Variants in KCNQ1 observed in about 807,000 individuals in gnomAD.
KCNQ1 encodes potassium voltage-gated channel subfamily Q member 1.
KCNQ1 carries 49 observed loss-of-function variants against 72.4 expected under a neutral mutation model. The ratio of observed to expected loss-of-function variants is 0.68; its 90% CI spans 0.54 to 0.86. KCNQ1 has a LOEUF of 0.86. KCNQ1 is among the 40% of genes least tolerant of loss of function. The pLI, the probability that KCNQ1 is intolerant of heterozygous loss-of-function variation, is 0.00. For missense variants in KCNQ1, 790 were observed against 945.1 expected, an observed-to-expected ratio of 0.84 and a Z score of 2.15; for synonymous variants, 450 against 412.6, an observed-to-expected ratio of 1.09 and a Z score of -1.10.
intron 1 of KCNQ1, among the ~76,000 whole-genome samples, chr11:2,487,409 A>G (rs1237219859): frequency 1.3e-5 from 2 of 152,214 alleles, no homozygotes; most frequent in Non-Finnish European, 2.9e-5. Flanking sequence ...ATTTTTGCAA[A>G]AAGTGTCATT....
Position 2,588,767 on chromosome 11 carries a change from A to G in KCNQ1, c.1306A>G (p.Lys436Glu). ...DKDNGVTPGE[K>E]MLTVPHITCD... ...AGACAATGGGGTGACTCCTGGAGAG[A>G]AGATGCTCACAGTCCCCCATATCAC... The change falls in exon 10 of 16, where the codon AAG becomes GAG. Residue 436 changes from lysine to glutamate, a missense_variant. Lys to Glu is a moderately conservative substitution (Grantham distance 56, BLOSUM62 1). This residue lies in a region of KCNQ1 where 178 missense variants were observed against 177.9 expected (regional missense o/e 1.00). Transcript: ENST00000155840. This position sits in a 1 kb window ranked among gnomAD's most constrained non-coding sequence, Gnocchi z 5.6. 1 of 1,613,666 alleles carries G rather than the reference A, an allele frequency of 6.2e-7. No individual in the cohort carries two copies.
Position 2,491,288 on chromosome 11 carries a change from G to A in KCNQ1, c.387-36640G>A, listed in dbSNP as rs1418198719. Among the ~76,000 whole-genome samples, 1 of 152,208 alleles carries A rather than the reference G, an allele frequency of 6.6e-6. No individual in the cohort carries two copies. The highest frequency in any genetic ancestry group is 1.5e-5 in the Non-Finnish European group (1 of 68,038). ...GACCAATCCTGAAGAAAAGAGATAT[G>A]TGACCTTTCAGAGAGAGAATTTAAA... is the stretch of plus-strand genomic sequence containing the variant. On this transcript the variant is annotated intron_variant, in intron 1 of 15. Transcript: ENST00000155840. This position sits in a 1 kb window ranked among gnomAD's most constrained non-coding sequence, Gnocchi z 4.1.
At chr11:2,571,513 TGGTGCCC>T in intron 4 of KCNQ1, 110 bp downstream of exon 4, 1 of 854,636 alleles carries the variant, frequency 1.2e-6, no homozygotes, top group African/African-American at 1.7e-5. Flanking sequence ...CAAGGTGCCT[TGGTGCCC>T]ACTGCCCCCG....
At position 2,848,723 on chromosome 11, in the gene KCNQ1, G is replaced by A. The variant is rs1242163309; in HGVS notation, c.*720G>A. Reference sequence around the variant, plus strand: ...AGGAGCCCTGCCTCTCCGCCCCTGAGCCCACTGTGCGTGGGGCTCCCGCCT... The same window carrying A: ...AGGAGCCCTGCCTCTCCGCCCCTGAACCCACTGTGCGTGGGGCTCCCGCCT... On this transcript the variant is annotated 3_prime_UTR_variant, in exon 16 of 16. Coordinates refer to ENST00000155840, the MANE Select transcript of KCNQ1 (RefSeq NM_000218.3). 1.3e-5 allele frequency: 6 copies of A among 452,672 alleles called. No individual in the cohort carries two copies. Among genetic ancestry groups the A allele is most frequent in the South Asian group, 4.7e-5 (3 of 64,460 alleles). The allele number at this position is 452,672 out of a possible 1,614,324, so 28.0% of individuals were successfully genotyped here.
At chr11:2,843,624 T>C (rs1209857479) in intron 15 of KCNQ1, among the ~76,000 whole-genome samples, 1 of 152,282 alleles carries the variant, frequency 6.6e-6, no homozygotes, top group African/African-American at 2.4e-5. Context: ...CCAGGGCCTT[T>C]GGCGGTCCTA....
rs3819514 is a variant in KCNQ1, at chr11:2,507,852, G to A, written c.387-20076G>A. ...GGCTGAGGGCAAGGAAGGCAAGTCC[G>A]GGAGGTTGGGTGTCCTGCAGCCTCC... On this transcript the variant is annotated intron_variant, in intron 1 of 15. Coordinates refer to ENST00000155840, the MANE Select transcript of KCNQ1 (RefSeq NM_000218.3). This position sits in a 1 kb window ranked among gnomAD's most constrained non-coding sequence, Gnocchi z 5.4. 7.2e-4 allele frequency among the ~76,000 whole-genome samples: 109 copies of A among 152,240 alleles called. No individual in the cohort carries two copies. The East Asian group carries it at 0.013, about 18-fold the overall frequency.
At chr11:2,539,957 G>A (rs1649895311) in intron 2 of KCNQ1, among the ~76,000 whole-genome samples, 1 of 152,214 alleles carries the variant, frequency 6.6e-6, no homozygotes, top group African/African-American at 2.4e-5. Context: ...TTGAAGCGCA[G>A]GGCAGCAGCT....
rs1300524396 is a variant in KCNQ1, at chr11:2,712,637, A to G, written c.1514+50556A>G. ...GGGGCTTCCATATTCCCCTTGGAAC[A>G]TGAAGAAGGGGCTGGCTAAGGCCCC... On this transcript the variant is annotated intron_variant, in intron 11 of 15. Transcript: ENST00000155840. The surrounding 1 kb of genome is among the most constrained non-coding windows in gnomAD (Gnocchi z 6.4). Among the ~76,000 whole-genome samples the G allele has an allele frequency of 6.6e-6, 1 of 152,204 alleles. No individual in the cohort carries two copies. Among genetic ancestry groups the G allele is most frequent in the Non-Finnish European group, 1.5e-5 (1 of 68,022 alleles).
At chr11:2,540,871 T>C (rs1417557328) in intron 2 of KCNQ1, among the ~76,000 whole-genome samples, 1 of 152,206 alleles carries the variant, frequency 6.6e-6, no homozygotes, top group Non-Finnish European at 1.5e-5. Context: ...TGTGAGCTGG[T>C]GGTGAGTTTT....
chr11:2,718,694 G>A (rs1466162162), intron 11 of KCNQ1, among the ~76,000 whole-genome samples: 3 of 152,184 alleles, frequency 2.0e-5, no homozygotes, highest in South Asian at 2.1e-4. Flanking sequence ...ACTTATATCT[G>A]TCAGGGGAAG....
rs954155853 is a variant in KCNQ1, at chr11:2,713,269, C to T, written c.1514+51188C>T. 2.0e-5 allele frequency among the ~76,000 whole-genome samples: 3 copies of T among 152,194 alleles called. No individual in the cohort carries two copies. The highest frequency in any genetic ancestry group is 1.9e-4 in the East Asian group (1 of 5,192). ...CCGCTCCTCCTCCGCTCCCTGGAAA[C>T]GTTCCCTGAATCACATTGTTCACTG... is the stretch of plus-strand genomic sequence containing the variant. On this transcript the variant is annotated intron_variant, in intron 11 of 15. Coordinates refer to ENST00000155840, the MANE Select transcript of KCNQ1 (RefSeq NM_000218.3). The surrounding 1 kb of genome is among the most constrained non-coding windows in gnomAD (Gnocchi z 5.6).
At chr11:2,501,332 CA>C (rs56196114) in intron 1 of KCNQ1, among the ~76,000 whole-genome samples, 117,497 of 150,916 alleles carry the variant, frequency 0.78, 45,690 homozygotes, top group Middle Eastern at 0.8. Flanking sequence ...AAGTCAGAGA[CA>C]AAAAAAGGAG....
At position 2,623,747 on chromosome 11, in the gene KCNQ1, T is replaced by C; in HGVS notation, c.1393+34893T>C. On this transcript the variant is annotated intron_variant, in intron 10 of 15. Coordinates refer to ENST00000155840, the MANE Select transcript of KCNQ1 (RefSeq NM_000218.3). This position sits in a 1 kb window ranked among gnomAD's most constrained non-coding sequence, Gnocchi z 5.2. ...CTGTAAACATCTCTGTGCAGATTTT[T>C]ATGTGAATATAAGTCTTCACCTCCT... The C allele has an allele frequency of 2.5e-6, 1 of 398,620 alleles. No homozygotes were observed. Among genetic ancestry groups the C allele is most frequent in the Middle Eastern group, 6.3e-4 (1 of 1,588 alleles). The allele number at this position is 398,620 out of a possible 1,614,324, so 24.7% of individuals were successfully genotyped here. A position where few individuals can be genotyped will look rare whatever the true frequency, so the allele number is the denominator to read the frequency against.
At chr11:2,606,665 G>A (rs1283135826) in intron 10 of KCNQ1, among the ~76,000 whole-genome samples, 1 of 151,878 alleles carries the variant, frequency 6.6e-6, no homozygotes, top group Non-Finnish European at 1.5e-5. Context: ...ACCCAGCCTC[G>A]GGTGTTCCTT....
At position 2,608,140 on chromosome 11, in the gene KCNQ1, T is replaced by C. The variant is rs1279772911; in HGVS notation, c.1393+19286T>C. On this transcript the variant is annotated intron_variant, in intron 10 of 15. Coordinates refer to ENST00000155840, the MANE Select transcript of KCNQ1 (RefSeq NM_000218.3). The surrounding 1 kb of genome is among the most constrained non-coding windows in gnomAD (Gnocchi z 4.6). ...GGTGATACTGGACTGAAAGAATGTA[T>C]TGGAAAAATTTTCCTTCTCTTCTAT... is the stretch of plus-strand genomic sequence containing the variant. 2.6e-5 allele frequency among the ~76,000 whole-genome samples: 4 copies of C among 152,172 alleles called. No homozygotes were observed. Among genetic ancestry groups the C allele is most frequent in the African/African-American group, 4.8e-5 (2 of 41,442 alleles).
chr11:2,785,050 A>G lies in KCNQ1; in HGVS notation c.1794+7013A>G, dbSNP rs71476691. 0.01 allele frequency among the ~76,000 whole-genome samples: 1,557 copies of G among 152,028 alleles called. 18 individuals carry two copies. The highest frequency in any genetic ancestry group is 0.017 in the Middle Eastern group (5 of 294). On this transcript the variant is annotated intron_variant, in intron 15 of 15. Transcript: ENST00000155840. The surrounding 1 kb of genome is among the most constrained non-coding windows in gnomAD (Gnocchi z 4.4). ...CCTAATTGCACTGGCTTGAACTTCA[A>G]AAAAAATATTGACTAGAAGTGCTAG...
At position 2,658,332 on chromosome 11, in the gene KCNQ1, G is replaced by A. The variant is rs1849888369; in HGVS notation, c.1394-3629G>A. ...GAAGATTTGTCCCTCTCCTCCAATT[G>A]TTTATTTAATTTTATCAGTGTGGAT... On this transcript the variant is annotated intron_variant, in intron 10 of 15. Transcript: ENST00000155840. This position sits in a 1 kb window ranked among gnomAD's most constrained non-coding sequence, Gnocchi z 4.9. The A allele has an allele frequency of 2.5e-6, 1 of 398,288 alleles. No individual in the cohort carries two copies. Among genetic ancestry groups the A allele is most frequent in the Non-Finnish European group, 4.4e-6 (1 of 225,978 alleles). The allele number at this position is 398,288 out of a possible 1,614,324, so 24.7% of individuals were successfully genotyped here.
Position 2,464,755 on chromosome 11 carries a change from G to T in KCNQ1, c.386+19271G>T, listed in dbSNP as rs1466105998. ...GAACAGTCTGGGCGAGGAGGAAAGG[G>T]TGGCTCTGCTGACCCCTCCTAGGTG... is the stretch of plus-strand genomic sequence containing the variant. On this transcript the variant is annotated intron_variant, in intron 1 of 15. Coordinates refer to ENST00000155840, the MANE Select transcript of KCNQ1 (RefSeq NM_000218.3). This position sits in a 1 kb window ranked among gnomAD's most constrained non-coding sequence, Gnocchi z 5.0. Among the ~76,000 whole-genome samples the T allele has an allele frequency of 6.6e-6, 1 of 152,030 alleles. No homozygotes were observed. Among genetic ancestry groups the T allele is most frequent in the African/African-American group, 2.4e-5 (1 of 41,324 alleles).
intron 15 of KCNQ1, among the ~76,000 whole-genome samples, chr11:2,843,965 T>C (rs1440419570): frequency 6.6e-6 from 1 of 152,180 alleles, no homozygotes; most frequent in Admixed American, 6.5e-5. Context: ...CCAGCAGTTC[T>C]TGGGGAACCG....
Sources: gnomAD v4.1 joint callset for allele counts (sites outside exome capture counted in the v4.1 genomes callset) on GRCh38, gnomAD v4.1.1 for gene constraint, gnomAD v4.1.1 regional missense constraint, Gnocchi (gnomAD v3.1) non-coding constraint, MANE v1.5 for transcripts, NCBI Gene and HGNC (gene_info 2026-07-23, HGNC 2026-07-21) for gene names.